Variants in SHISA6 observed in about 807,000 individuals in gnomAD.
SHISA6 encodes the protein protein shisa-6.
SHISA6 carries 22 observed loss-of-function variants against 47.9 expected under a neutral mutation model. That is an observed-to-expected ratio of 0.46 (90% CI 0.33 to 0.66). The LOEUF is 0.66. Among genes scored for constraint, SHISA6 ranks in the 30% least tolerant of loss-of-function variants. The pLI is 0.02. For synonymous variants in SHISA6, 388 were observed against 337.8 expected, an observed-to-expected ratio of 1.15 and a Z score of -1.63; for missense variants, 680 against 764.6, an observed-to-expected ratio of 0.89 and a Z score of 1.30.
intron 2 of SHISA6, among the ~76,000 whole-genome samples, chr17:11,359,034 T>A (rs1235853791): frequency 1.3e-5 from 2 of 152,224 alleles, no homozygotes; most frequent in Non-Finnish European, 2.9e-5. Flanking sequence ...ATCCATTCAT[T>A]CATTGATGGA....
At chr17:11,317,744 T>C (rs1289098115) in intron 2 of SHISA6, among the ~76,000 whole-genome samples, 3 of 151,978 alleles carry the variant, frequency 2.0e-5, no homozygotes, top group Non-Finnish European at 4.4e-5. Flanking sequence ...GGTAGTCTTC[T>C]TTCCGTTTTA....
chr17:11,359,743 TG>T (rs1159892382), intron 2 of SHISA6, among the ~76,000 whole-genome samples: 1 of 152,234 alleles, frequency 6.6e-6, no homozygotes, highest in Non-Finnish European at 1.5e-5. Context: ...GTCTGCTGTT[TG>T]TTTTGGGCCC....
intron 3 of SHISA6, among the ~76,000 whole-genome samples, chr17:11,527,617 AG>A (rs1195709324): frequency 7.2e-5 from 11 of 152,300 alleles, no homozygotes; most frequent in African/African-American, 2.4e-4. Flanking sequence ...ACATAGTTTA[AG>A]GGTTGGCACT....
chr17:11,252,062 C>T (rs936584870), intron 1 of SHISA6, among the ~76,000 whole-genome samples: 1 of 152,140 alleles, frequency 6.6e-6, no homozygotes, highest in Admixed American at 6.5e-5. Flanking sequence ...TGTTTTCATC[C>T]TTCTTGTCCC....
At position 11,561,591 on chromosome 17, in the gene SHISA6, T is replaced by C. The variant is rs1160988618; in HGVS notation, c.*3287T>C. 1 of 152,166 alleles carries C rather than the reference T, an allele frequency of 6.6e-6. No individual in the cohort carries two copies. Among genetic ancestry groups the C allele is most frequent in the Non-Finnish European group, 1.5e-5 (1 of 68,108 alleles). 9.4% of individuals were successfully genotyped at this position (152,166 alleles called of 1,614,324 possible). ...TAGAAAGTTCCAACCTTGCCCCCAA[T>C]TCAAATTTCTCCTCCCCTCTTTCCA... On this transcript the variant is annotated 3_prime_UTR_variant, in exon 6 of 6. Transcript: ENST00000441885.
At chr17:11,281,824 GTTTC>G (rs1417140895) in intron 2 of SHISA6, among the ~76,000 whole-genome samples, 1 of 152,136 alleles carries the variant, frequency 6.6e-6, no homozygotes, top group Admixed American at 6.6e-5. Flanking sequence ...CAGGGTATCT[GTTTC>G]TTTCAGGAAC....
Position 11,402,054 on chromosome 17 carries a change from C to A in SHISA6, c.895+22545C>A, listed in dbSNP as rs7223512. 6.4e-3 allele frequency among the ~76,000 whole-genome samples: 975 copies of A among 151,956 alleles called. 9 individuals carry two copies. The highest frequency in any genetic ancestry group is 0.023 in the African/African-American group (940 of 41,538). On this transcript the variant is annotated intron_variant, in intron 3 of 5. Coordinates refer to ENST00000441885, the MANE Select transcript of SHISA6 (RefSeq NM_207386.4). ...TTAGCAATTTTGAAATTTCTTTTGG[C>A]AGACATTGTAAGGGGCTCCTAACTT... is the stretch of plus-strand genomic sequence containing the variant.
At chr17:11,437,125 G>A (rs530192615) in intron 3 of SHISA6, among the ~76,000 whole-genome samples, 3 of 152,290 alleles carry the variant, frequency 2.0e-5, no homozygotes, top group Admixed American at 1.3e-4. Context: ...GATAATATAG[G>A]ATTGCATTGC....
At chr17:11,450,031 T>C (rs1330473117) in intron 3 of SHISA6, among the ~76,000 whole-genome samples, 5 of 152,088 alleles carry the variant, frequency 3.3e-5, no homozygotes, top group Non-Finnish European at 7.4e-5. Context: ...ACTACAGGCG[T>C]CCGCCACCAC....
intron 3 of SHISA6, among the ~76,000 whole-genome samples, chr17:11,456,466 C>A (rs894831636): frequency 9.9e-5 from 15 of 152,220 alleles, no homozygotes; most frequent in African/African-American, 3.6e-4. Flanking sequence ...CAGCTAAGTT[C>A]TAGCCTGGAT....
chr17:11,358,627 G>A (rs1299326197), intron 2 of SHISA6, among the ~76,000 whole-genome samples: 2 of 150,488 alleles, frequency 1.3e-5, no homozygotes, highest in African/African-American at 4.9e-5. Flanking sequence ...CCAAAGTGCT[G>A]GGATTACAGA....
intron 3 of SHISA6, among the ~76,000 whole-genome samples, chr17:11,524,352 A>G (rs1433243759): frequency 6.6e-6 from 1 of 152,162 alleles, no homozygotes; most frequent in African/African-American, 2.4e-5. Context: ...TAATTATGAA[A>G]GAAAGTGTCC....
chr17:11,243,572 A>G (rs1326132011), intron 1 of SHISA6, among the ~76,000 whole-genome samples: 3 of 152,184 alleles, frequency 2.0e-5, no homozygotes, highest in African/African-American at 7.2e-5. Flanking sequence ...GCAGAAGACA[A>G]GTGGGACGGT....
At position 11,558,489 on chromosome 17, in the gene SHISA6, T is replaced by A; in HGVS notation, c.*185T>A. The A allele has an allele frequency of 1.6e-6, 1 of 644,142 alleles. No individual in the cohort carries two copies. Among genetic ancestry groups the A allele is most frequent in the Non-Finnish European group, 2.7e-6 (1 of 377,192 alleles). The allele number at this position is 644,142 out of a possible 1,614,324, so 39.9% of individuals were successfully genotyped here. ...ACACAGCCCCGATGGCCTGGTCCAA[T>A]ACACTTAGACCCAGGACCAAGAGCA... On this transcript the variant is annotated 3_prime_UTR_variant, in exon 6 of 6. Coordinates refer to ENST00000441885, the MANE Select transcript of SHISA6 (RefSeq NM_207386.4).
intron 3 of SHISA6, chr17:11,379,895 T>C (rs182772321): frequency 8.4e-6 from 2 of 237,838 alleles, no homozygotes; most frequent in East Asian, 1.7e-4. Flanking sequence ...TATAAACCAA[T>C]GTCAATGTTC....
intron 3 of SHISA6, among the ~76,000 whole-genome samples, chr17:11,516,464 T>C (rs1313336916): frequency 6.6e-6 from 1 of 152,158 alleles, no homozygotes; most frequent in Non-Finnish European, 1.5e-5. Context: ...AGATTCCAAA[T>C]GAACATAACA....
chr17:11,281,386 A>G (rs1397035128), intron 2 of SHISA6, among the ~76,000 whole-genome samples: 2 of 152,170 alleles, frequency 1.3e-5, no homozygotes, highest in African/African-American at 2.4e-5. Context: ...GGTCAAGTGC[A>G]TCTTTTGTAT....
chr17:11,254,653 G>A (rs1164014376), intron 1 of SHISA6, among the ~76,000 whole-genome samples: 1 of 152,214 alleles, frequency 6.6e-6, no homozygotes, highest in Non-Finnish European at 1.5e-5. Context: ...TCTATTGTTA[G>A]GATGCAATTC....
intron 3 of SHISA6, among the ~76,000 whole-genome samples, chr17:11,432,073 G>T (rs1317101517): frequency 6.6e-6 from 1 of 152,170 alleles, no homozygotes; most frequent in Non-Finnish European, 1.5e-5. Flanking sequence ...CACCCTGAAG[G>T]TTTATAAAAC....
Sources: gnomAD v4.1 joint callset for allele counts (sites outside exome capture counted in the v4.1 genomes callset) on GRCh38, gnomAD v4.1.1 for gene constraint, MANE v1.5 for transcripts, NCBI Gene and HGNC (gene_info 2026-07-23, HGNC 2026-07-21) for gene names.